The following IQSEC1 variants were observed in gnomAD, a reference collection of about 807,000 sequenced individuals.
IQSEC1 encodes IQ motif and Sec7 domain ArfGEF 1, also known as IQ motif and SEC7 domain-containing protein 1.
Under a neutral mutation model 91.0 loss-of-function variants are expected in IQSEC1, and 31 were observed. The ratio of observed to expected loss-of-function variants is 0.34; its 90% CI spans 0.26 to 0.46. The LOEUF is 0.46. IQSEC1 is among the 20% of genes least tolerant of loss of function. The probability of loss-of-function intolerance (pLI) is 1.00; values close to 1 mark genes in which losing one functional copy is unlikely to be tolerated. For synonymous variants in IQSEC1, 699 were observed against 662.6 expected (o/e 1.05, Z -0.84); for missense variants, 1,388 against 1,575.6 (o/e 0.88, Z 2.02).
chr3:12,967,596 G>C lies in IQSEC1; in HGVS notation c.24-25731C>G. Reference sequence around the variant, plus strand: ...ACCACCCGCCACGCGATCACGTCGGGGCTCCTGGTCCAGCGTCCGCCGGCT... The same window carrying C: ...ACCACCCGCCACGCGATCACGTCGGCGCTCCTGGTCCAGCGTCCGCCGGCT... On this transcript the variant is annotated intron_variant, in intron 1 of 13. Coordinates refer to ENST00000613206, the MANE Select transcript of IQSEC1 (RefSeq NM_001134382.3). The surrounding 1 kb of genome is among the most constrained non-coding windows in gnomAD (Gnocchi z 5.9). 7.8e-7 allele frequency: 1 copy of C among 1,280,058 alleles called. No individual in the cohort carries two copies. The highest frequency in any genetic ancestry group is 9.8e-7 in the Non-Finnish European group (1 of 1,016,732). 79.3% of individuals were successfully genotyped at this position (1,280,058 alleles called of 1,614,324 possible).
At chr3:12,919,291 G>A (rs1222400582) in intron 6 of IQSEC1, among the ~76,000 whole-genome samples, 2 of 152,240 alleles carry the variant, frequency 1.3e-5, no homozygotes, top group East Asian at 1.9e-4. Flanking sequence ...AGTAACTGCT[G>A]GGTGCAGGGA....
rs758140425 is a variant in IQSEC1 at position 12,915,097 on chromosome 3, TACTC to T, written c.2190+3_2190+6del. On this transcript the variant is annotated splice_donor_5th_base_variant and intron_variant, in intron 8 of 13. Coordinates refer to ENST00000613206, the MANE Select transcript of IQSEC1 (RefSeq NM_001134382.3). ...ACCCACAAAGGTAAAACCAGAGAAA[TACTC>T]ACACAGCCGAGCCCGGGATGCAGGG... 1 of 1,604,152 alleles carries T rather than the reference TACTC, an allele frequency of 6.2e-7. No individual in the cohort carries two copies.
intron 1 of IQSEC1, among the ~76,000 whole-genome samples, chr3:13,223,698 G>A (rs1324395149): frequency 6.6e-6 from 1 of 152,202 alleles, no homozygotes; most frequent in Non-Finnish European, 1.5e-5. Context: ...AGGGACCGCG[G>A]CGTCTGCAGA....
intron 2 of IQSEC1, among the ~76,000 whole-genome samples, chr3:13,138,370 G>A (rs1182628607): frequency 6.6e-6 from 1 of 151,886 alleles, no homozygotes. Context: ...CTCCCGAGAG[G>A]AGCGGCTGGC....
chr3:12,952,122 C>G (rs1197378561), intron 1 of IQSEC1, among the ~76,000 whole-genome samples: 2 of 152,106 alleles, frequency 1.3e-5, no homozygotes, highest in African/African-American at 4.8e-5. Context: ...AGGTGGGGGT[C>G]AGGAGGGTTT....
At position 12,935,383 on chromosome 3, in the gene IQSEC1, C is replaced by T. The variant is rs992654264; in HGVS notation, c.1568+65G>A. Reference sequence around the variant, plus strand: ...CTCCGTGCTTGGAAGGATGCAGCCACGCCCACCCGCCAAGGCCCAGCAAGC... The same window carrying T: ...CTCCGTGCTTGGAAGGATGCAGCCATGCCCACCCGCCAAGGCCCAGCAAGC... On this transcript the variant is annotated intron_variant, in intron 3 of 13. Coordinates refer to ENST00000613206, the MANE Select transcript of IQSEC1 (RefSeq NM_001134382.3). This position sits in a 1 kb window ranked among gnomAD's most constrained non-coding sequence, Gnocchi z 8.0. 81 of 1,494,538 alleles carry T rather than the reference C, an allele frequency of 5.4e-5. No homozygotes were observed. The highest frequency in any genetic ancestry group is 6.7e-5 in the Non-Finnish European group (73 of 1,095,058). 92.6% of individuals were successfully genotyped at this position (1,494,538 alleles called of 1,614,324 possible).
chr3:13,273,136 A>G (rs1017323288), intron 1 of IQSEC1, among the ~76,000 whole-genome samples: 17 of 152,210 alleles, frequency 1.1e-4, no homozygotes, highest in African/African-American at 4.1e-4. Flanking sequence ...AGGCTCAGCC[A>G]CAGGCCAGAG....
exon 1 of IQSEC1, among the ~76,000 whole-genome samples, chr3:13,283,145 C>T (rs1233458008): frequency 2.1e-5 from 3 of 145,434 alleles, no homozygotes; most frequent in Non-Finnish European, 4.6e-5. Context: ...GGGGCCCCCG[C>T]GCCTCCTGCT....
intron 2 of IQSEC1, among the ~76,000 whole-genome samples, chr3:13,144,115 G>A (rs1388103346): frequency 6.6e-6 from 1 of 152,144 alleles, no homozygotes; most frequent in African/African-American, 2.4e-5. Context: ...ATCTGTCGAG[G>A]GTGTGCTACA....
intron 2 of IQSEC1, among the ~76,000 whole-genome samples, chr3:13,119,323 G>T (rs1434400147): frequency 5.9e-5 from 9 of 152,206 alleles, no homozygotes; most frequent in Non-Finnish European, 1.3e-4. Flanking sequence ...GCCCAAAGCT[G>T]AAGCTTCTTC....
At chr3:13,216,820 A>G (rs1342415862) in intron 1 of IQSEC1, among the ~76,000 whole-genome samples, 1 of 152,212 alleles carries the variant, frequency 6.6e-6, no homozygotes. Context: ...TCATTAGCAC[A>G]TGGAATACAC....
At position 12,924,477 on chromosome 3, in the gene IQSEC1, C is replaced by T. The variant is rs559236708; in HGVS notation, c.1730+104G>A. 264 of 1,209,318 alleles carry T rather than the reference C, an allele frequency of 2.2e-4. No individual in the cohort carries two copies. Among genetic ancestry groups the T allele is most frequent in the Non-Finnish European group, 2.5e-4 (218 of 880,504 alleles). 74.9% of individuals were successfully genotyped at this position (1,209,318 alleles called of 1,614,324 possible). On this transcript the variant is annotated intron_variant, in intron 4 of 13. Transcript: ENST00000613206. The surrounding 1 kb of genome is among the most constrained non-coding windows in gnomAD (Gnocchi z 6.3). ...AGAAAGGGGGGCCCACCACATGTCC[C>T]AGCAAGTAGGGTGGGCCTGGCCCTG...
chr3:12,904,740 AC>A (rs980249743), intron 12 of IQSEC1, among the ~76,000 whole-genome samples: 34 of 152,156 alleles, frequency 2.2e-4, no homozygotes, highest in African/African-American at 8.2e-4. Context: ...CCTCTGGCTG[AC>A]TAAAAACCAG....
intron 1 of IQSEC1, among the ~76,000 whole-genome samples, chr3:13,180,750 C>T (rs990725353): frequency 4.0e-5 from 6 of 148,904 alleles, no homozygotes; most frequent in Non-Finnish European, 7.4e-5. Flanking sequence ...CAACTCCAGA[C>T]GTGCCGCCTT....
At chr3:12,943,282 G>C (rs889318310) in intron 1 of IQSEC1, among the ~76,000 whole-genome samples, 3 of 152,188 alleles carry the variant, frequency 2.0e-5, no homozygotes, top group African/African-American at 7.2e-5. Flanking sequence ...CAAGCACCAT[G>C]GGGGAGCAGT....
intron 2 of IQSEC1, among the ~76,000 whole-genome samples, chr3:13,089,348 G>C (rs1705796590): frequency 6.6e-6 from 1 of 152,252 alleles, no homozygotes; most frequent in Admixed American, 6.5e-5. Context: ...GGGAGGCTGA[G>C]GCTGGAGAAT....
chr3:13,038,260 GTGTATATATA>G (rs1238627468), intron 1 of IQSEC1, among the ~76,000 whole-genome samples: 982 of 62,346 alleles, frequency 0.016, 17 homozygotes, highest in African/African-American at 0.053. Context: ...GTGTGTGTGT[GTGTATATATA>G]TATATATATA....
At chr3:13,039,513 T>C (rs564344150) in intron 1 of IQSEC1, among the ~76,000 whole-genome samples, 3 of 152,244 alleles carry the variant, frequency 2.0e-5, no homozygotes, top group Non-Finnish European at 4.4e-5. Flanking sequence ...GTGGCTCCAT[T>C]TGCAGAGCTT....
chr3:13,150,347 C>T (rs563931061), intron 2 of IQSEC1, among the ~76,000 whole-genome samples: 3 of 152,346 alleles, frequency 2.0e-5, no homozygotes, highest in East Asian at 3.9e-4. Flanking sequence ...ATGTCCTGAT[C>T]TTTGCCTTCA....
Sources: gnomAD v4.1 joint callset for allele counts (sites outside exome capture counted in the v4.1 genomes callset) on GRCh38, gnomAD v4.1.1 for gene constraint, Gnocchi (gnomAD v3.1) non-coding constraint, MANE v1.5 for transcripts, NCBI Gene and HGNC (gene_info 2026-07-23, HGNC 2026-07-21) for gene names.